Variants in PDE3B observed in about 807,000 individuals in gnomAD.
PDE3B encodes cGMP-inhibited 3',5'-cyclic phosphodiesterase 3B.
In PDE3B, 66 loss-of-function variants were observed where a neutral mutation model predicts 116.8. The observed-to-expected ratio is 0.56, with a 90% CI of 0.46 to 0.69. The LOEUF (loss-of-function observed/expected upper bound fraction) is 0.69. Ranked by LOEUF, PDE3B falls within the 30% of genes least tolerant of loss-of-function variation. PDE3B has a pLI of 0.00. For missense variants in PDE3B, 1,384 were observed against 1,368.1 expected, an observed-to-expected ratio of 1.01 and a Z score of -0.18; for synonymous variants, 595 against 533.6, an observed-to-expected ratio of 1.12 and a Z score of -1.59.
intron 2 of PDE3B, among the ~76,000 whole-genome samples, chr11:14,781,792 G>C (rs539903078): frequency 6.6e-4 from 100 of 152,288 alleles, no homozygotes; most frequent in Non-Finnish European, 1.3e-3. Flanking sequence ...GTTCAACATA[G>C]TGTTGGAAGT....
chr11:14,888,830 T>C, the PDE3B span, among the ~76,000 whole-genome samples: 1,197 of 152,308 alleles, frequency 7.9e-3, 18 homozygotes, highest in African/African-American at 0.027. Context: ...TTCTACTTGC[T>C]TTAATGGAAT....
At position 14,819,123 on chromosome 11, in the gene PDE3B, T is replaced by G; in HGVS notation, c.1734-13T>G. On this transcript the variant is annotated splice_polypyrimidine_tract_variant and intron_variant, in intron 6 of 15. Transcript: ENST00000282096. ...TCATTTACCGTATATATTTATCTAT[T>G]TTATTCTATAAGCTGTGGACATCAA... is the stretch of plus-strand genomic sequence containing the variant. 5 of 1,510,708 alleles carry G rather than the reference T, an allele frequency of 3.3e-6. No homozygotes were observed. The highest frequency in any genetic ancestry group is 4.6e-6 in the Non-Finnish European group (5 of 1,091,860). The allele number at this position is 1,510,708 out of a possible 1,614,324, so 93.6% of individuals were successfully genotyped here. A position where few individuals can be genotyped will look rare whatever the true frequency, so the allele number is the denominator to read the frequency against.
chr11:14,825,932 G>A (rs1859673316), intron 7 of PDE3B, among the ~76,000 whole-genome samples: 1 of 152,112 alleles, frequency 6.6e-6, no homozygotes. Context: ...CTGGACCACA[G>A]TGCAATAAAG....
At chr11:14,733,074 A>G (rs1026809875) in intron 1 of PDE3B, among the ~76,000 whole-genome samples, 4 of 152,232 alleles carry the variant, frequency 2.6e-5, no homozygotes, top group African/African-American at 9.6e-5. Context: ...TTTGAACAGT[A>G]GTATGCATAT....
rs66919202 is a variant in PDE3B, at chr11:14,749,899, C to CATATATATAT, written c.979-22033_979-22024dup. On this transcript the variant is annotated intron_variant, in intron 1 of 15. Transcript: ENST00000282096. The stretch of plus-strand genomic sequence containing the variant: ...TTATAGATTTAAAATAAATATATCC[C>CATATATATAT]ATATATATATATATGTATCTTTGTG... Among the ~76,000 whole-genome samples the CATATATATAT allele has an allele frequency of 2.3e-3, 182 of 77,622 alleles. 25 individuals are homozygous for CATATATATAT. Among genetic ancestry groups the CATATATATAT allele is most frequent in the African/African-American group, 6.7e-3 (117 of 17,522 alleles). The allele number at this position is 77,622 out of a possible 152,430, so 50.9% of individuals were successfully genotyped here.
At chr11:14,753,949 G>A (rs926774486) in intron 1 of PDE3B, among the ~76,000 whole-genome samples, 1 of 151,658 alleles carries the variant, frequency 6.6e-6, no homozygotes, top group South Asian at 2.1e-4. Flanking sequence ...TTTTTATTTT[G>A]TAATAAGATA....
chr11:14,664,666 G>A (rs1854066464), intron 1 of PDE3B, among the ~76,000 whole-genome samples: 1 of 152,208 alleles, frequency 6.6e-6, no homozygotes, highest in South Asian at 2.1e-4. Context: ...AGAAAATCTA[G>A]AAGAAAGGGA....
intron 1 of PDE3B, among the ~76,000 whole-genome samples, chr11:14,718,560 T>C (rs904323508): frequency 6.7e-6 from 1 of 149,838 alleles, no homozygotes; most frequent in Non-Finnish European, 1.5e-5. Context: ...ACAGAAATTA[T>C]AGCAAACTAT....
chr11:14,781,146 G>A (rs1033064047), intron 2 of PDE3B, among the ~76,000 whole-genome samples: 5 of 152,082 alleles, frequency 3.3e-5, no homozygotes, highest in African/African-American at 1.2e-4. Flanking sequence ...ACTAATAACA[G>A]GCTGTGAAAT....
At chr11:14,741,260 CTTGGTA>C (rs1246645338) in intron 1 of PDE3B, among the ~76,000 whole-genome samples, 1 of 151,968 alleles carries the variant, frequency 6.6e-6, no homozygotes, top group African/African-American at 2.4e-5. Flanking sequence ...GCCTCTAAGA[CTTGGTA>C]TTATGAATCT....
At chr11:14,853,996 TC>T (rs1195043971) in intron 12 of PDE3B, among the ~76,000 whole-genome samples, 2 of 152,238 alleles carry the variant, frequency 1.3e-5, no homozygotes, top group African/African-American at 4.8e-5. Context: ...TACCCCTTCT[TC>T]CTGAGAATGC....
chr11:14,824,022 G>A (rs1333595661), intron 7 of PDE3B, among the ~76,000 whole-genome samples: 1 of 152,176 alleles, frequency 6.6e-6, no homozygotes, highest in Non-Finnish European at 1.5e-5. Flanking sequence ...CCAGGGGCTA[G>A]CTAGTCCATA....
intron 10 of PDE3B, 102 bp downstream of exon 10, chr11:14,832,935 G>T: frequency 8.7e-6 from 5 of 574,036 alleles, no homozygotes; most frequent in South Asian, 4.5e-5. Context: ...TTTTAAAACT[G>T]CTTGTTTGAA....
intron 1 of PDE3B, among the ~76,000 whole-genome samples, chr11:14,714,390 T>A (rs1225580563): frequency 6.6e-6 from 1 of 151,892 alleles, no homozygotes; most frequent in Non-Finnish European, 1.5e-5. Context: ...AAATTCATGT[T>A]TTTAGCTGGG....
intron 12 of PDE3B, among the ~76,000 whole-genome samples, chr11:14,855,646 CAAGAGA>C (rs1231446548): frequency 6.7e-6 from 1 of 150,358 alleles, no homozygotes; most frequent in Non-Finnish European, 1.5e-5. Flanking sequence ...TGTGTGTGAG[CAAGAGA>C]GAGAGAGAGA....
At chr11:14,749,899 C>CATATATATATATATATATATATAAATAT (rs66919202) in intron 1 of PDE3B, among the ~76,000 whole-genome samples, 1 of 77,646 alleles carries the variant, frequency 1.3e-5, no homozygotes, top group Non-Finnish European at 2.4e-5. Flanking sequence ...AAATATATCC[C>CATATATATATATATATATATATAAATAT]ATATATATAT....
At chr11:14,653,660 T>G (rs188162719) in intron 1 of PDE3B, among the ~76,000 whole-genome samples, 1 of 151,250 alleles carries the variant, frequency 6.6e-6, no homozygotes, top group East Asian at 1.9e-4. Context: ...ATGAAAGAAA[T>G]AAAATAGAAA....
the PDE3B span, among the ~76,000 whole-genome samples, chr11:14,898,478 C>G: frequency 6.6e-6 from 1 of 152,224 alleles, no homozygotes; most frequent in Non-Finnish European, 1.5e-5. Context: ...GAAGTCATAG[C>G]GTGACCTGAT....
chr11:14,850,904 C>T (rs1376138658), intron 12 of PDE3B, among the ~76,000 whole-genome samples: 1 of 151,916 alleles, frequency 6.6e-6, no homozygotes, highest in African/African-American at 2.4e-5. Context: ...TCTCGGCTTA[C>T]TGCAAGCTCC....
Sources: gnomAD v4.1 joint callset for allele counts (sites outside exome capture counted in the v4.1 genomes callset) on GRCh38, gnomAD v4.1.1 for gene constraint, MANE v1.5 for transcripts, NCBI Gene and HGNC (gene_info 2026-07-23, HGNC 2026-07-21) for gene names.